The following CPD variants were observed in gnomAD, a reference collection of about 807,000 sequenced individuals.
CPD encodes metallocarboxypeptidase D.
CPD carries 69 observed loss-of-function variants against 138.3 expected under a neutral mutation model. That is an observed-to-expected ratio of 0.50 (90% CI 0.41 to 0.61). The LOEUF (loss-of-function observed/expected upper bound fraction) is 0.61, where lower values mean the gene tolerates loss of function less well. CPD is among the 20% of genes least tolerant of loss of function. The pLI is 0.00. For missense variants in CPD, 1,432 were observed against 1,733.3 expected, an observed-to-expected ratio of 0.83 and a Z score of 3.09; for synonymous variants, 651 against 642.1, an observed-to-expected ratio of 1.01 and a Z score of -0.21.
chr17:30,385,118 A>G lies in CPD; in HGVS notation c.876A>G (p.Ala292=). Residue 292 remains alanine, a synonymous_variant, in exon 2 of 21, where the codon GCA becomes GCG. Transcript: ENST00000225719. ...ATGATGAAGTATTTAAATACTTGGC[A>G]AAAGCTTATGCTTCAAACCACCCCA... ...TSDDEVFKYL[A]KAYASNHPIM... is the part of the protein sequence containing the mutation. The G allele has an allele frequency of 6.2e-7, 1 of 1,614,134 alleles. No individual in the cohort carries two copies. Among genetic ancestry groups the G allele is most frequent in the Non-Finnish European group, 8.5e-7 (1 of 1,179,996 alleles).
At chr17:30,456,009 GTTTGTATT>G in intron 15 of CPD, 2 of 457,602 alleles carry the variant, frequency 4.4e-6, no homozygotes, top group South Asian at 5.4e-5. Context: ...ACCAAAACAA[GTTTGTATT>G]TTAGTGTGAT....
chr17:30,403,756 A>C (rs539493244), intron 2 of CPD, among the ~76,000 whole-genome samples: 1 of 152,324 alleles, frequency 6.6e-6, no homozygotes, highest in South Asian at 2.1e-4. Context: ...TAAACTTACT[A>C]TAAGATCCCT....
intron 7 of CPD, among the ~76,000 whole-genome samples, chr17:30,428,487 C>CAATGAATAAT (rs1912480814): frequency 6.6e-6 from 1 of 152,134 alleles, no homozygotes; most frequent in Non-Finnish European, 1.5e-5. Context: ...TCTGTCCTTA[C>CAATGAATAAT]AATGAATATT....
rs200404130 is a variant in CPD, at chr17:30,461,785, T to C, written c.3631-92T>C. On this transcript the variant is annotated intron_variant, in intron 18 of 20. Coordinates refer to ENST00000225719, the MANE Select transcript of CPD (RefSeq NM_001304.5). ...GTGTGTGGTTTTTGTTTTGTTTGTTTGTTTGGTTGGTTTTGGTCATGCCTC... is the reference window on the plus strand; with the variant it reads ...GTGTGTGGTTTTTGTTTTGTTTGTTCGTTTGGTTGGTTTTGGTCATGCCTC... 22 of 996,016 alleles carry C rather than the reference T, an allele frequency of 2.2e-5. No homozygotes were observed. In the East Asian group the frequency reaches 4.4e-4, roughly 20 times the overall value. 61.7% of individuals were successfully genotyped at this position (996,016 alleles called of 1,614,324 possible).
intron 12 of CPD, among the ~76,000 whole-genome samples, chr17:30,446,437 G>T (rs1913033734): frequency 6.6e-6 from 1 of 150,958 alleles, no homozygotes; most frequent in Non-Finnish European, 1.5e-5. Context: ...TTGGTTTTTT[G>T]TCCTTGCGAT....
At chr17:30,439,394 CTTT>C (rs71138889) in intron 9 of CPD, among the ~76,000 whole-genome samples, 1,681 of 124,650 alleles carry the variant, frequency 0.013, 29 homozygotes, top group African/African-American at 0.049. Context: ...ACGTTACTTT[CTTT>C]TTTTTTTTTT....
chr17:30,404,587 T>C (rs1049612772), intron 2 of CPD, among the ~76,000 whole-genome samples: 1 of 152,156 alleles, frequency 6.6e-6, no homozygotes, highest in Non-Finnish European at 1.5e-5. Flanking sequence ...TCCTTATAGC[T>C]ATTATCTTGG....
At chr17:30,432,017 T>C (rs2191351) in intron 8 of CPD, 136 bp downstream of exon 8, 355,174 of 622,256 alleles carry the variant, frequency 0.57, 105,143 homozygotes, top group African/African-American at 0.82. Flanking sequence ...TTCCGAAAAA[T>C]AGCTTTTTCT....
At chr17:30,447,577 T>A (rs992894581) in intron 12 of CPD, 3 of 152,198 alleles carry the variant, frequency 2.0e-5, no homozygotes, top group Non-Finnish European at 4.4e-5. Context: ...TTTATTTTGC[T>A]TGGGGCAAGG....
At position 30,456,330 on chromosome 17, in the gene CPD, C is replaced by T. The variant is rs1367795796; in HGVS notation, c.3412C>T (p.Pro1138Ser). 6.2e-7 allele frequency: 1 copy of T among 1,614,124 alleles called. No individual in the cohort carries two copies. The highest frequency in any genetic ancestry group is 8.5e-7 in the Non-Finnish European group (1 of 1,179,956). Residue 1138 changes from proline (P) to serine (S), a missense_variant, in exon 16 of 21, where the codon CCC becomes TCC. By Grantham distance (74) the Pro-to-Ser change is moderately conservative. This residue lies in a region of CPD where 366 missense variants were observed against 518.8 expected (regional missense o/e 0.71). Transcript: ENST00000225719. ...NNHPSMHMGQ[P>S]SCPNKSDENI... ...TCATCCATCCATGCACATGGGTCAG[C>T]CCAGTTGCCCAAATAAATCAGGTAG...
intron 6 of CPD, among the ~76,000 whole-genome samples, chr17:30,424,290 AGCAG>A (rs1912343726): frequency 1.3e-5 from 2 of 152,244 alleles, no homozygotes; most frequent in African/African-American, 4.8e-5. Context: ...GCCTCCAGGT[AGCAG>A]GCTTCACAGA....
chr17:30,414,451 C>T (rs964368267), intron 2 of CPD, among the ~76,000 whole-genome samples: 4 of 151,930 alleles, frequency 2.6e-5, no homozygotes, highest in South Asian at 4.2e-4. Flanking sequence ...GGCACGGTGG[C>T]GGGCGCCTGT....
chr17:30,449,527 A>AT (rs779088635), intron 12 of CPD, 26 bp from the exon 13 acceptor site: 6 of 1,555,032 alleles, frequency 3.9e-6, no homozygotes, highest in Admixed American at 2.3e-5. Context: ...TTACTTGCTG[A>AT]TTTTTTTGTT....
At chr17:30,444,035 T>A in intron 11 of CPD, 64 bp downstream of exon 11, 1 of 1,555,018 alleles carries the variant, frequency 6.4e-7, no homozygotes, top group East Asian at 2.2e-5. Context: ...TTCTGGAGGA[T>A]TATTACTAGA....
intron 8 of CPD, among the ~76,000 whole-genome samples, chr17:30,436,059 A>G (rs1253530422): frequency 2.6e-5 from 4 of 152,200 alleles, no homozygotes; most frequent in Non-Finnish European, 5.9e-5. Flanking sequence ...ATTTTTAAAT[A>G]AGATCACATT....
At chr17:30,464,244 T>A (rs1218532281) in intron 20 of CPD, among the ~76,000 whole-genome samples, 3 of 151,736 alleles carry the variant, frequency 2.0e-5, no homozygotes, top group African/African-American at 7.3e-5. Flanking sequence ...TAAAAAAAAA[T>A]TAGCCAGGTG....
chr17:30,444,798 C>T (rs1290449241), intron 11 of CPD, among the ~76,000 whole-genome samples: 1 of 151,984 alleles, frequency 6.6e-6, no homozygotes, highest in Non-Finnish European at 1.5e-5. Flanking sequence ...TGCTAGCTAA[C>T]TTATTTCTGA....
Position 30,465,074 on chromosome 17 carries a change from C to T in CPD, c.*260C>T. 2.5e-6 allele frequency: 1 copy of T among 403,226 alleles called. No homozygotes were observed. The highest frequency in any genetic ancestry group is 2.0e-5 in the African/African-American group (1 of 49,594). The allele number at this position is 403,226 out of a possible 1,614,324, so 25.0% of individuals were successfully genotyped here. A position where few individuals can be genotyped will look rare whatever the true frequency, so the allele number is the denominator to read the frequency against. ...CTTTTTCTTTTTAATTTAAGATGAG[C>T]TATTTGGAGCTTATGTAATAATGGC... On this transcript the variant is annotated 3_prime_UTR_variant, in exon 21 of 21. Transcript: ENST00000225719.
At chr17:30,456,210 AATC>A (rs1199894264) in intron 15 of CPD, 43 bp from the exon 16 acceptor site, 3 of 1,497,392 alleles carry the variant, frequency 2.0e-6, no homozygotes, top group Non-Finnish European at 2.7e-6. Context: ...GGGGGAAAAA[AATC>A]ATTTGGATTT....
Sources: allele counts gnomAD v4.1 joint callset (sites outside exome capture counted in the v4.1 genomes callset), GRCh38; gene constraint gnomAD v4.1.1; regional missense constraint gnomAD v4.1.1; transcripts MANE v1.5; gene names NCBI Gene and HGNC (gene_info 2026-07-23, HGNC 2026-07-21).